The following GNAQ variants were observed in gnomAD, a reference collection of about 807,000 sequenced individuals.
GNAQ encodes guanine nucleotide-binding protein G(q) subunit alpha.
GNAQ carries 8 observed loss-of-function variants against 43.9 expected under a neutral mutation model. That is an observed-to-expected ratio of 0.18 (90% CI 0.11 to 0.33). The LOEUF (loss-of-function observed/expected upper bound fraction) is 0.33. GNAQ is among the 10% of genes least tolerant of loss of function. GNAQ has a pLI of 1.00. For missense variants in GNAQ, 158 were observed against 450.8 expected, an observed-to-expected ratio of 0.35 and a Z score of 5.88; for synonymous variants, 155 against 170.7, an observed-to-expected ratio of 0.91 and a Z score of 0.71.
chr9:77,780,596 A>G (rs1826379307), intron 5 of GNAQ, among the ~76,000 whole-genome samples: 2 of 151,856 alleles, frequency 1.3e-5, no homozygotes, highest in African/African-American at 2.4e-5. Context: ...TCTCTGATAT[A>G]ATAACTTCTC....
intron 2 of GNAQ, among the ~76,000 whole-genome samples, chr9:77,918,868 T>C (rs1243914561): frequency 6.6e-6 from 1 of 152,228 alleles, no homozygotes; most frequent in Non-Finnish European, 1.5e-5. Context: ...ATTTGAATAA[T>C]CATTTCGACA....
chr9:77,921,135 A>G (rs1289862596), intron 2 of GNAQ, among the ~76,000 whole-genome samples: 2 of 152,254 alleles, frequency 1.3e-5, no homozygotes, highest in East Asian at 1.9e-4. Flanking sequence ...ACAAAAGGCA[A>G]GGCTCACTTA....
chr9:77,969,398 C>T (rs1048434230), intron 1 of GNAQ, among the ~76,000 whole-genome samples: 6 of 152,186 alleles, frequency 3.9e-5, no homozygotes, highest in Admixed American at 2.0e-4. Context: ...CAGGAATTAG[C>T]TTTACTGCCC....
intron 5 of GNAQ, among the ~76,000 whole-genome samples, chr9:77,746,211 C>T (rs1825726577): frequency 6.6e-6 from 1 of 152,084 alleles, no homozygotes. Flanking sequence ...TCCAAGGGTT[C>T]CTTGGATCCT....
At chr9:77,925,206 T>C (rs1030210848) in intron 1 of GNAQ, among the ~76,000 whole-genome samples, 12 of 152,240 alleles carry the variant, frequency 7.9e-5, no homozygotes, top group African/African-American at 2.9e-4. Flanking sequence ...TGCTGTTCGT[T>C]TCCTTCTGGA....
chr9:77,948,320 T>C (rs1822930344), intron 1 of GNAQ, among the ~76,000 whole-genome samples: 1 of 152,232 alleles, frequency 6.6e-6, no homozygotes, highest in Non-Finnish European at 1.5e-5. Context: ...CAAATCTTGC[T>C]CCTCGCAGGA....
At chr9:77,846,032 G>A (rs1827579264) in intron 2 of GNAQ, among the ~76,000 whole-genome samples, 1 of 152,176 alleles carries the variant, frequency 6.6e-6, no homozygotes, top group African/African-American at 2.4e-5. Flanking sequence ...TATCCTTGAG[G>A]AAACGAGGCA....
chr9:78,017,326 G>A lies in GNAQ; in HGVS notation c.136+13774C>T, dbSNP rs182320346. On this transcript the variant is annotated intron_variant, in intron 1 of 6. Transcript: ENST00000286548. ...GGCTTTCGTGAGCAGGTACAAACTAGCTGCATCACAGCACTGTATGATTCA... is the reference window on the plus strand; with the variant it reads ...GGCTTTCGTGAGCAGGTACAAACTAACTGCATCACAGCACTGTATGATTCA... Among the ~76,000 whole-genome samples, 4 of 152,290 alleles carry A rather than the reference G, an allele frequency of 2.6e-5. No homozygotes were observed. In the South Asian group the frequency reaches 8.3e-4, roughly 32 times the overall value.
At chr9:77,818,860 C>T (rs1374142151) in intron 2 of GNAQ, among the ~76,000 whole-genome samples, 1 of 151,672 alleles carries the variant, frequency 6.6e-6, no homozygotes, top group African/African-American at 2.4e-5. Flanking sequence ...ATTAGCTGAG[C>T]GTGGTGGTAT....
chr9:77,911,134 C>T (rs1444623527), intron 2 of GNAQ, among the ~76,000 whole-genome samples: 1 of 152,166 alleles, frequency 6.6e-6, no homozygotes, highest in Non-Finnish European at 1.5e-5. Context: ...TGAGCTGTGG[C>T]TGTGGAAGCT....
At chr9:77,968,082 T>A (rs917290835) in intron 1 of GNAQ, among the ~76,000 whole-genome samples, 2 of 152,252 alleles carry the variant, frequency 1.3e-5, no homozygotes, top group Admixed American at 1.3e-4. Context: ...TGCACAACTC[T>A]GCGAGTATAC....
intron 1 of GNAQ, among the ~76,000 whole-genome samples, chr9:78,007,909 C>T (rs1185559557): frequency 3.9e-5 from 6 of 152,150 alleles, no homozygotes; most frequent in Non-Finnish European, 7.3e-5. Context: ...CACTGTAAAC[C>T]TAGGTACAGA....
chr9:77,901,822 C>T (rs1828620812), intron 2 of GNAQ, among the ~76,000 whole-genome samples: 2 of 152,176 alleles, frequency 1.3e-5, no homozygotes, highest in Admixed American at 6.5e-5. Flanking sequence ...CTAGGAAGTT[C>T]ATGATCAAGG....
At chr9:77,869,792 T>A (rs1201813499) in intron 2 of GNAQ, among the ~76,000 whole-genome samples, 3 of 152,208 alleles carry the variant, frequency 2.0e-5, no homozygotes, top group Non-Finnish European at 4.4e-5. Context: ...CTTCTGGGAA[T>A]GCCTTCCCCA....
At chr9:77,808,129 C>G (rs1587925690) in intron 3 of GNAQ, among the ~76,000 whole-genome samples, 5 of 152,164 alleles carry the variant, frequency 3.3e-5, no homozygotes, top group South Asian at 2.1e-4. Flanking sequence ...TGTGAGCAAA[C>G]AGCAAACTGA....
intron 5 of GNAQ, among the ~76,000 whole-genome samples, chr9:77,736,404 G>A (rs753651563): frequency 2.6e-4 from 39 of 152,158 alleles, no homozygotes; most frequent in Admixed American, 1.4e-3. Context: ...AAATAAGAAC[G>A]TCAAACTCAG....
chr9:77,837,450 T>C (rs1017681892), intron 2 of GNAQ, among the ~76,000 whole-genome samples: 1 of 151,976 alleles, frequency 6.6e-6, no homozygotes, highest in African/African-American at 2.4e-5. Flanking sequence ...GCTACTCGGG[T>C]GGCTGAAGCA....
At chr9:77,840,026 C>G (rs907452519) in intron 2 of GNAQ, among the ~76,000 whole-genome samples, 1 of 152,152 alleles carries the variant, frequency 6.6e-6, no homozygotes, top group Non-Finnish European at 1.5e-5. Flanking sequence ...CTCAGTGATT[C>G]ATCTTTAATT....
chr9:77,947,167 A>G (rs1030366494), intron 1 of GNAQ, among the ~76,000 whole-genome samples: 1 of 152,184 alleles, frequency 6.6e-6, no homozygotes, highest in African/African-American at 2.4e-5. Flanking sequence ...TGCTCCTTCT[A>G]TGTCTATTAT....
Sources: gnomAD v4.1 joint callset for allele counts (sites outside exome capture counted in the v4.1 genomes callset) on GRCh38, gnomAD v4.1.1 for gene constraint, MANE v1.5 for transcripts, NCBI Gene and HGNC (gene_info 2026-07-23, HGNC 2026-07-21) for gene names.